R3HCC1L: variants seen among roughly 807,000 people sequenced by gnomAD.
The protein encoded by R3HCC1L is coiled-coil domain-containing protein R3HCC1L.
A neutral mutation model predicts 59.9 loss-of-function variants in R3HCC1L; 51 were observed. The observed-to-expected ratio is 0.85, with a 90% CI of 0.68 to 1.07. The LOEUF is 1.07. R3HCC1L is among the 50% of genes least tolerant of loss of function. R3HCC1L has a pLI of 0.00. For missense variants in R3HCC1L, 965 were observed against 933.0 expected (o/e 1.03, Z -0.45); for synonymous variants, 322 against 315.2 (o/e 1.02, Z -0.23).
At chr10:98,147,666 C>T (rs1401178878) in intron 1 of R3HCC1L, among the ~76,000 whole-genome samples, 1 of 152,084 alleles carries the variant, frequency 6.6e-6, no homozygotes, top group African/African-American at 2.4e-5. Context: ...TGAAGAGACT[C>T]TTCTTTCCCC....
chr10:98,151,909 T>G lies in R3HCC1L; in HGVS notation c.-267-4184T>G, dbSNP rs142630582. On this transcript the variant is annotated intron_variant, in intron 1 of 9. Transcript: ENST00000298999. The stretch of plus-strand genomic sequence containing the variant: ...TTGAGTAAGAAATTCCAGCTCGCTC[T>G]CTCTCTCTCCCTCTCCCTCTCCCCA... Among the ~76,000 whole-genome samples, 1,116 of 152,012 alleles carry G rather than the reference T, an allele frequency of 7.3e-3. 19 individuals carry two copies. Among genetic ancestry groups the G allele is most frequent in the African/African-American group, 0.025 (1,014 of 41,338 alleles).
intron 1 of R3HCC1L, among the ~76,000 whole-genome samples, chr10:98,140,848 T>G (rs1286386789): frequency 6.6e-6 from 1 of 151,370 alleles, no homozygotes. Context: ...TCAGTGTAGT[T>G]TAAACACATT....
intron 5 of R3HCC1L, among the ~76,000 whole-genome samples, chr10:98,228,503 A>G (rs561078025): frequency 6.6e-6 from 1 of 152,260 alleles, no homozygotes; most frequent in South Asian, 2.1e-4. Context: ...AGATGAGTAG[A>G]TTGCAAAAAT....
At chr10:98,173,450 AC>A (rs1848707226) in intron 4 of R3HCC1L, among the ~76,000 whole-genome samples, 1 of 152,166 alleles carries the variant, frequency 6.6e-6, no homozygotes, top group African/African-American at 2.4e-5. Flanking sequence ...AGCCTAATGT[AC>A]CGGAGATGCT....
chr10:98,176,856 T>G (rs568080618), intron 4 of R3HCC1L, among the ~76,000 whole-genome samples: 58 of 152,214 alleles, frequency 3.8e-4, no homozygotes, highest in African/African-American at 1.4e-3. Context: ...CTGCTTTTTT[T>G]TTGTAGATAA....
chr10:98,161,397 T>G (rs1410444292), intron 2 of R3HCC1L, among the ~76,000 whole-genome samples: 1 of 152,216 alleles, frequency 6.6e-6, no homozygotes, highest in Non-Finnish European at 1.5e-5. Context: ...TTAGGAGTTT[T>G]TAATATATTA....
chr10:98,232,650 T>C (rs937483300), intron 6 of R3HCC1L, among the ~76,000 whole-genome samples: 21 of 152,300 alleles, frequency 1.4e-4, no homozygotes, highest in African/African-American at 5.1e-4. Context: ...ATGAACCAGG[T>C]CTGTAGTGTG....
chr10:98,179,193 G>T (rs1006748966), intron 4 of R3HCC1L, among the ~76,000 whole-genome samples: 2 of 152,188 alleles, frequency 1.3e-5, no homozygotes, highest in African/African-American at 2.4e-5. Context: ...GATATTGGCT[G>T]TGGGTTTGTC....
intron 4 of R3HCC1L, among the ~76,000 whole-genome samples, chr10:98,205,050 A>G (rs1852483397): frequency 6.6e-6 from 1 of 152,176 alleles, no homozygotes; most frequent in South Asian, 2.1e-4. Context: ...CTGATTGTTA[A>G]AATTTTAGGA....
chr10:98,201,394 CTCACT>C (rs1341262840), intron 4 of R3HCC1L, among the ~76,000 whole-genome samples: 5 of 152,114 alleles, frequency 3.3e-5, no homozygotes, highest in Non-Finnish European at 7.3e-5. Flanking sequence ...TACTGAATAC[CTCACT>C]TAAGACATTT....
chr10:98,219,987 A>G (rs1854679392), intron 5 of R3HCC1L, among the ~76,000 whole-genome samples: 1 of 152,102 alleles, frequency 6.6e-6, no homozygotes, highest in African/African-American at 2.4e-5. Context: ...GCCTTTAGCC[A>G]TCTCTTCTCC....
intron 4 of R3HCC1L, among the ~76,000 whole-genome samples, chr10:98,177,111 A>G (rs1564650533): frequency 6.6e-6 from 1 of 152,032 alleles, no homozygotes; most frequent in Non-Finnish European, 1.5e-5. Context: ...TACATGTGCT[A>G]TGTTGGTTTG....
intron 1 of R3HCC1L, among the ~76,000 whole-genome samples, chr10:98,149,087 A>G (rs768798481): frequency 6.6e-6 from 1 of 152,040 alleles, no homozygotes; most frequent in African/African-American, 2.4e-5. Flanking sequence ...TCATGGTTCA[A>G]TCTTGATAGG....
At chr10:98,138,142 T>C (rs968003101) in intron 1 of R3HCC1L, among the ~76,000 whole-genome samples, 1 of 152,234 alleles carries the variant, frequency 6.6e-6, no homozygotes, top group Non-Finnish European at 1.5e-5. Flanking sequence ...TATTTTTTAC[T>C]TCCTTCAAGT....
At chr10:98,180,757 T>C (rs1346187004) in intron 4 of R3HCC1L, among the ~76,000 whole-genome samples, 1 of 152,218 alleles carries the variant, frequency 6.6e-6, no homozygotes, top group Admixed American at 6.5e-5. Flanking sequence ...CATAGATATT[T>C]AGGATAGTTA....
In R3HCC1L at chr10:98,209,214, A is replaced by G. The variant is rs1249381300; in HGVS notation, c.1100A>G (p.Asn367Ser). The G allele has an allele frequency of 6.2e-7, 1 of 1,613,754 alleles. No homozygotes were observed. The highest frequency in any genetic ancestry group is 8.5e-7 in the Non-Finnish European group (1 of 1,179,998). ...ACACATAGAGATAGTGGATTTAAGAATGTAGGTGACATTACCAATAAAGCA... is the reference window on the plus strand; with the variant it reads ...ACACATAGAGATAGTGGATTTAAGAGTGTAGGTGACATTACCAATAAAGCA... ...HETHRDSGFK[N>S]VGDITNKACM... Residue 367 changes from asparagine to serine, a missense_variant, in exon 5 of 10, where the codon AAT becomes AGT. Transcript: ENST00000298999.
intron 4 of R3HCC1L, among the ~76,000 whole-genome samples, chr10:98,171,851 A>C (rs1300935980): frequency 6.6e-6 from 1 of 152,162 alleles, no homozygotes; most frequent in African/African-American, 2.4e-5. Flanking sequence ...GAACAAGGAA[A>C]GGCACGGTAG....
Position 98,198,787 on chromosome 10 carries a change from C to A in R3HCC1L, c.-14-9314C>A, listed in dbSNP as rs137863280. Among the ~76,000 whole-genome samples the A allele has an allele frequency of 2.1e-4, 32 of 152,110 alleles. 1 individual carries two copies. The East Asian group carries it at 6.2e-3, about 29-fold the overall frequency. ...TGTGTTCCCATGCTGCTGAAGCCAACAAAACAGAAGGAGAAAAGCAGATTA... is the reference window on the plus strand; with the variant it reads ...TGTGTTCCCATGCTGCTGAAGCCAAAAAAACAGAAGGAGAAAAGCAGATTA... On this transcript the variant is annotated intron_variant, in intron 4 of 9. Transcript: ENST00000298999.
intron 4 of R3HCC1L, among the ~76,000 whole-genome samples, chr10:98,182,310 G>A (rs1322798317): frequency 4.6e-5 from 7 of 152,184 alleles, no homozygotes; most frequent in African/African-American, 9.7e-5. Context: ...CTGGAGGTTC[G>A]CTCTGGACCC....
Sources: allele counts gnomAD v4.1 joint callset (sites outside exome capture counted in the v4.1 genomes callset), GRCh38; gene constraint gnomAD v4.1.1; transcripts MANE v1.5; gene names NCBI Gene and HGNC (gene_info 2026-07-23, HGNC 2026-07-21).